SGSM1: variants seen among roughly 807,000 people sequenced by gnomAD.
SGSM1 encodes the protein small G protein signaling modulator 1.
In SGSM1, 73 loss-of-function variants were observed where a neutral mutation model predicts 133.8. The observed-to-expected ratio is 0.55, with a 90% CI of 0.45 to 0.66. The LOEUF (loss-of-function observed/expected upper bound fraction) is 0.66. SGSM1 is among the 30% of genes least tolerant of loss of function. The pLI is 0.00. For synonymous variants in SGSM1, 563 were observed against 573.0 expected (o/e 0.98, Z 0.25); for missense variants, 1,213 against 1,448.1 (o/e 0.84, Z 2.64).
chr22:24,885,799 C>T (rs544374114), intron 15 of SGSM1, among the ~76,000 whole-genome samples: 4 of 151,668 alleles, frequency 2.6e-5, no homozygotes, highest in Admixed American at 1.3e-4. Flanking sequence ...CGTGTAGGGA[C>T]GCATGTTCAC....
Position 24,806,467 on chromosome 22 carries a change from C to A in SGSM1, c.46C>A (p.Arg16Ser). The A allele has an allele frequency of 6.6e-7, 1 of 1,520,338 alleles. No individual in the cohort carries two copies. The highest frequency in any genetic ancestry group is 1.4e-5 in the African/African-American group (1 of 69,878). The allele number at this position is 1,520,338 out of a possible 1,614,324, so 94.2% of individuals were successfully genotyped here. Residue 16 changes from arginine (R) to serine (S), a missense_variant, in exon 2 of 25, where the codon CGC (arginine) becomes AGC (serine). Physicochemically the swap from Arg to Ser is moderately radical, Grantham distance 110 (BLOSUM62 -1). Transcript: ENST00000400358. ...AEAETRQRLL[R>S]TVKKEVKQIM... ...GGCGGAGACCCGACAGAGGCTGCTA[C>A]GCACCGTCAAGAAGGAGGTGGGTGC... is the stretch of plus-strand genomic sequence containing the variant.
intron 13 of SGSM1, among the ~76,000 whole-genome samples, chr22:24,878,440 T>C (rs900472679): frequency 8.5e-5 from 13 of 152,174 alleles, no homozygotes; most frequent in African/African-American, 2.9e-4. Context: ...CTGAGCCTCA[T>C]CAACCTGAGG....
chr22:24,902,003 GGGTGGGAT>G, intron 20 of SGSM1, 46 bp downstream of exon 20: 2 of 1,408,516 alleles, frequency 1.4e-6, no homozygotes, highest in Non-Finnish European at 1.9e-6. Context: ...GATGGTGGGT[GGGTGGGAT>G]GGGGGATGTA....
chr22:24,810,779 A>G (rs1050230044), intron 2 of SGSM1, among the ~76,000 whole-genome samples: 1 of 152,128 alleles, frequency 6.6e-6, no homozygotes, highest in Non-Finnish European at 1.5e-5. Flanking sequence ...TTGGGGAGCC[A>G]TCATCATAGC....
chr22:24,884,839 C>T (rs1482455465), intron 15 of SGSM1, among the ~76,000 whole-genome samples: 1 of 152,238 alleles, frequency 6.6e-6, no homozygotes, highest in South Asian at 2.1e-4. Flanking sequence ...AACAGACAAA[C>T]TCAACCCCAC....
intron 2 of SGSM1, among the ~76,000 whole-genome samples, chr22:24,840,276 C>T (rs964698063): frequency 1.3e-5 from 2 of 151,138 alleles, no homozygotes; most frequent in South Asian, 2.1e-4. Context: ...TGTTAGTTTT[C>T]TCTGTTTTTA....
chr22:24,897,378 C>T (rs1009706723), intron 18 of SGSM1, among the ~76,000 whole-genome samples: 1 of 152,198 alleles, frequency 6.6e-6, no homozygotes, highest in Admixed American at 6.5e-5. Context: ...GAAACTCCAT[C>T]TCAGAAAACA....
chr22:24,856,010 C>T (rs1425507452), intron 8 of SGSM1: 1 of 481,062 alleles, frequency 2.1e-6, no homozygotes, highest in Non-Finnish European at 4.0e-6. Context: ...CCCATCTTTA[C>T]ATCTATCCAT....
At chr22:24,862,696 C>T (rs562035063) in intron 9 of SGSM1, among the ~76,000 whole-genome samples, 1 of 152,278 alleles carries the variant, frequency 6.6e-6, no homozygotes, top group East Asian at 1.9e-4. Flanking sequence ...AAAATCTTTA[C>T]CTTCTCAGAG....
chr22:24,907,753 A>C (rs1933446837), intron 21 of SGSM1, among the ~76,000 whole-genome samples: 1 of 151,808 alleles, frequency 6.6e-6, no homozygotes, highest in Non-Finnish European at 1.5e-5. Context: ...TCTACTAAAA[A>C]TGCAAAAAAT....
intron 22 of SGSM1, among the ~76,000 whole-genome samples, chr22:24,916,412 G>A (rs1050383157): frequency 6.6e-6 from 1 of 152,078 alleles, no homozygotes; most frequent in Non-Finnish European, 1.5e-5. Context: ...TTAGTTCGAG[G>A]CCAGGCACGG....
At chr22:24,889,106 C>T (rs779592923) in intron 16 of SGSM1, among the ~76,000 whole-genome samples, 6 of 151,768 alleles carry the variant, frequency 4.0e-5, no homozygotes, top group South Asian at 2.1e-4. Context: ...GGACTACAGG[C>T]GCCCGACACC....
In SGSM1 at chr22:24,808,683, C is replaced by T. The variant is rs73879138; in HGVS notation, c.63+2199C>T. Among the ~76,000 whole-genome samples, 1,280 of 152,302 alleles carry T rather than the reference C, an allele frequency of 8.4e-3. 21 individuals are homozygous for T. Among genetic ancestry groups the T allele is most frequent in the African/African-American group, 0.029 (1,205 of 41,556 alleles). On this transcript the variant is annotated intron_variant, in intron 2 of 24. Coordinates refer to ENST00000400358, the MANE Select transcript of SGSM1 (RefSeq NM_001098497.3). ...TGAGGCCCAGGTCCCAGCTCAGCTA[C>T]CATCTTCCTCAGTTTCCTGCGCAGG... is the stretch of plus-strand genomic sequence containing the variant.
Position 24,850,414 on chromosome 22 carries a change from A to G in SGSM1, c.437A>G (p.Tyr146Cys). The G allele has an allele frequency of 1.9e-6, 3 of 1,613,910 alleles. No homozygotes were observed. Among genetic ancestry groups the G allele is most frequent in the Non-Finnish European group, 2.5e-6 (3 of 1,179,860 alleles). Residue 146 changes from tyrosine (Y) to cysteine (C), a missense_variant, in exon 5 of 25, where the codon TAC becomes TGC. Tyr to Cys is a radical substitution (Grantham distance 194). Coordinates refer to ENST00000400358, the MANE Select transcript of SGSM1 (RefSeq NM_001098497.3). ...AAGGTCCTGGACAAAATTGTGCATT[A>G]CCTTGTGGAAAACAGCAGGTGAGAG... ...FEKVLDKIVH[Y>C]LVENSSKYYE...
chr22:24,921,144 C>T (rs1238143494), intron 24 of SGSM1, among the ~76,000 whole-genome samples: 3 of 151,628 alleles, frequency 2.0e-5, no homozygotes, highest in African/African-American at 7.3e-5. Flanking sequence ...CTGTTACCCG[C>T]GCTGGAGTGA....
In SGSM1 at chr22:24,814,875, G is replaced by A. The variant is rs764880584; in HGVS notation, c.63+8391G>A. Among the ~76,000 whole-genome samples the A allele has an allele frequency of 8.5e-5, 13 of 152,186 alleles. 1 individual carries two copies. Among genetic ancestry groups the A allele is most frequent in the Non-Finnish European group, 1.3e-4 (9 of 68,034 alleles). On this transcript the variant is annotated intron_variant, in intron 2 of 24. Transcript: ENST00000400358. ...CTAATGGGCTGAGTCTTGGCTGGCTGCATCGCCATCATGGGGAGGGCAGCT... is the reference window on the plus strand; with the variant it reads ...CTAATGGGCTGAGTCTTGGCTGGCTACATCGCCATCATGGGGAGGGCAGCT...
chr22:24,919,685 G>A, intron 23 of SGSM1, 141 bp from the exon 24 acceptor site: 1 of 790,010 alleles, frequency 1.3e-6, no homozygotes, highest in Non-Finnish European at 2.0e-6. Flanking sequence ...CTTCTGACCT[G>A]AGTTCTATCC....
chr22:24,850,254 A>C (rs768734223), intron 4 of SGSM1, 26 bp from the exon 5 acceptor site: 1 of 1,558,160 alleles, frequency 6.4e-7, no homozygotes, highest in Non-Finnish European at 8.7e-7. Flanking sequence ...GTGAGTATCT[A>C]TTCCCGTCTT....
intron 2 of SGSM1, among the ~76,000 whole-genome samples, chr22:24,828,990 G>C (rs1409990002): frequency 6.6e-6 from 1 of 152,012 alleles, no homozygotes; most frequent in Non-Finnish European, 1.5e-5. Context: ...CTAGGAGATC[G>C]AGACAATCCT....
Sources: gnomAD v4.1 joint callset for allele counts (sites outside exome capture counted in the v4.1 genomes callset) on GRCh38, gnomAD v4.1.1 for gene constraint, MANE v1.5 for transcripts, NCBI Gene and HGNC (gene_info 2026-07-23, HGNC 2026-07-21) for gene names.